The following ABCA2 variants were observed in gnomAD, a reference collection of about 807,000 sequenced individuals.
The protein encoded by ABCA2 is ATP-binding cassette sub-family A member 2.
In ABCA2, 84 loss-of-function variants were observed where a neutral mutation model predicts 262.8. That is an observed-to-expected ratio of 0.32 (90% CI 0.27 to 0.38). The LOEUF is 0.38. Ranked by LOEUF, ABCA2 falls within the 10% of genes least tolerant of loss-of-function variation. The pLI, the probability that ABCA2 is intolerant of heterozygous loss-of-function variation, is 1.00. For synonymous variants in ABCA2, 1,696 were observed against 1,502.9 expected (o/e 1.13, Z -2.97); for missense variants, 2,662 against 3,405.9 (o/e 0.78, Z 5.44).
At chr9:137,010,780 C>A (rs772309931) in intron 39 of ABCA2, 43 bp from the exon 40 acceptor site, 4 of 1,574,506 alleles carry the variant, frequency 2.5e-6, no homozygotes, top group Non-Finnish European at 2.6e-6. Context: ...TCGCCACCCC[C>A]ACTGCCCCTC....
At position 137,010,966 on chromosome 9, in the gene ABCA2, C is replaced by CA; in HGVS notation, c.6056+6dup. The CA allele has an allele frequency of 2.0e-6, 3 of 1,522,914 alleles. No individual in the cohort carries two copies. The highest frequency in any genetic ancestry group is 2.7e-6 in the Non-Finnish European group (3 of 1,125,384). 94.3% of individuals were successfully genotyped at this position (1,522,914 alleles called of 1,614,324 possible). ...CCCGCCCCCGCCCCACCCCGCCCCCCACTCACTGTGGCCGCCGCAGGAAGT... is the reference window on the plus strand; with the variant it reads ...CCCGCCCCCGCCCCACCCCGCCCCCCAACTCACTGTGGCCGCCGCAGGAAGT... On this transcript the variant is annotated splice_region_variant and intron_variant, in intron 39 of 48. Transcript: ENST00000341511.
Position 137,015,398 on chromosome 9 carries a change from C to T in ABCA2, c.3697+16G>A, listed in dbSNP as rs1368109759. 6.5e-6 allele frequency: 10 copies of T among 1,543,786 alleles called. No individual in the cohort carries two copies. The South Asian group carries it at 1.2e-4, about 18-fold the overall frequency. The stretch of plus-strand genomic sequence containing the variant: ...GAAGGTGGCCCGAAGCCAGCTCAGG[C>T]AGCTTCAACACAGACCTTGGGGGCC... On this transcript the variant is annotated intron_variant, in intron 24 of 48. Transcript: ENST00000341511.
Position 137,011,328 on chromosome 9 carries a change from CAGGGGCACAGGGGTGGCCGGGGTG to C in ABCA2, c.5800-43_5800-20del, listed in dbSNP as rs759021358. 578 of 1,606,062 alleles carry C rather than the reference CAGGGGCACAGGGGTGGCCGGGGTG, an allele frequency of 3.6e-4. 3 individuals are homozygous for C. The highest frequency in any genetic ancestry group is 8.3e-4 in the Middle Eastern group (5 of 6,008). On this transcript the variant is annotated intron_variant, in intron 37 of 48. Transcript: ENST00000341511. The surrounding 1 kb of genome is among the most constrained non-coding windows in gnomAD (Gnocchi z 8.8). ...TCAGGTCCTGCGGGGTGGCCGGGGT[CAGGGGCACAGGGGTGGCCGGGGTG>C]AGGGGCACAGCCTCCGCAGGGTCCG... is the stretch of plus-strand genomic sequence containing the variant.
At position 137,019,415 on chromosome 9, in the gene ABCA2, C is replaced by T. The variant is rs1173679347; in HGVS notation, c.1426-109G>A. ...GGCTGGTCCATTGCCAACAACTAACCCTCCCCACCTTTTTTTTTTTTTTTT... is the reference window on the plus strand; with the variant it reads ...GGCTGGTCCATTGCCAACAACTAACTCTCCCCACCTTTTTTTTTTTTTTTT... On this transcript the variant is annotated intron_variant, in intron 10 of 48. Coordinates refer to ENST00000341511, the MANE Select transcript of ABCA2 (RefSeq NM_001606.5). This position sits in a 1 kb window ranked among gnomAD's most constrained non-coding sequence, Gnocchi z 4.4. 9.9e-6 allele frequency: 13 copies of T among 1,311,036 alleles called. No homozygotes were observed. Among genetic ancestry groups the T allele is most frequent in the Admixed American group, 2.7e-5 (1 of 37,176 alleles). The allele number at this position is 1,311,036 out of a possible 1,614,324, so 81.2% of individuals were successfully genotyped here.
In ABCA2 at chr9:137,022,989, G is replaced by T; in HGVS notation, c.227C>A (p.Pro76Gln). The change falls in exon 4 of 49, where the codon CCG (proline) becomes CAG (glutamine). Residue 76 changes from proline to glutamine, a missense_variant. Physicochemically the swap from Pro to Gln is moderately conservative, Grantham distance 76. Coordinates refer to ENST00000341511, the MANE Select transcript of ABCA2 (RefSeq NM_001606.5). ...GILPVMQSLC[P>Q]DGQRDEFGFL... ...GCCGAACTCGTCTCGCTGGCCGTCC[G>T]GGCACAGCGATTGCATGACAGGCAG... is the stretch of plus-strand genomic sequence containing the variant. 1 of 1,594,464 alleles carries T rather than the reference G, an allele frequency of 6.3e-7. No homozygotes were observed.
At position 137,020,726 on chromosome 9, in the gene ABCA2, G is replaced by C. The variant is rs373851416; in HGVS notation, c.1233C>G (p.Ala411=). The change falls in exon 9 of 49, where the codon GCC becomes GCG. Residue 411 remains alanine, a synonymous_variant. Transcript: ENST00000341511. ...TGCCACACAAGATGGGCTGCAGGCC[G>C]GCCCAGAGCTGTACGAAGGCTGAGC... ...GQCSAFVQLW[A]GLQPILCGNN... is the part of the protein sequence containing the mutation. 3 of 1,601,428 alleles carry C rather than the reference G, an allele frequency of 1.9e-6. No individual in the cohort carries two copies. The highest frequency in any genetic ancestry group is 1.3e-5 in the African/African-American group (1 of 75,032).
At position 137,018,829 on chromosome 9, in the gene ABCA2, C is replaced by T; in HGVS notation, c.1723-14G>A. 1 of 1,612,520 alleles carries T rather than the reference C, an allele frequency of 6.2e-7. No homozygotes were observed. Among genetic ancestry groups the T allele is most frequent in the Non-Finnish European group, 8.5e-7 (1 of 1,179,750 alleles). On this transcript the variant is annotated splice_polypyrimidine_tract_variant and intron_variant, in intron 12 of 48. Coordinates refer to ENST00000341511, the MANE Select transcript of ABCA2 (RefSeq NM_001606.5). ...GTCCACGCTCACCTAGCGGGAGGGG[C>T]ATCGCTGGAGCCCGCCGTGGGCATG...
intron 22 of ABCA2, 28 bp downstream of exon 22, chr9:137,015,928 CCCACCT>C: frequency 9.1e-7 from 1 of 1,094,842 alleles, no homozygotes; most frequent in Non-Finnish European, 1.4e-6. Flanking sequence ...AGGGCCTCCG[CCCACCT>C]GCCCCGCCCC....
rs968041761 is a variant in ABCA2 at position 137,007,550 on chromosome 9, C to T, written c.*379G>A. The T allele has an allele frequency of 2.5e-5, 8 of 321,890 alleles. No individual in the cohort carries two copies. Among genetic ancestry groups the T allele is most frequent in the Non-Finnish European group, 4.7e-5 (8 of 169,444 alleles). 19.9% of individuals were successfully genotyped at this position (321,890 alleles called of 1,614,324 possible). A position where few individuals can be genotyped will look rare whatever the true frequency, so the allele number is the denominator to read the frequency against. On this transcript the variant is annotated 3_prime_UTR_variant, in exon 49 of 49. Transcript: ENST00000341511. The stretch of plus-strand genomic sequence containing the variant: ...ACAGCCCGCTCTCGGCATCAGCCTT[C>T]ATCGTAAGAGAGAAAAGCTGGTTCC...
chr9:137,014,450 C>G, intron 26 of ABCA2, 46 bp from the exon 27 acceptor site: 1 of 1,534,568 alleles, frequency 6.5e-7, no homozygotes, highest in Non-Finnish European at 8.8e-7. Context: ...CTACTGGCCC[C>G]TAGGCCTGCC....
chr9:137,023,907 C>T (rs927549944), intron 2 of ABCA2, 67 bp from the exon 3 acceptor site: 2 of 1,085,606 alleles, frequency 1.8e-6, no homozygotes, highest in Admixed American at 3.9e-5. Flanking sequence ...ACAGAGGAGA[C>T]CAGTGAGTGC....
rs560175918 is a variant in ABCA2 at position 137,016,822 on chromosome 9, C to G, written c.2759-84G>C. 2.6e-4 allele frequency: 400 copies of G among 1,549,588 alleles called. 1 individual carries two copies. The highest frequency in any genetic ancestry group is 3.0e-4 in the Admixed American group (17 of 56,386). On this transcript the variant is annotated intron_variant, in intron 19 of 48. Transcript: ENST00000341511. ...GTGGGCCACGTGCCCACCCAGGGAGCCACCCGTGCTGCATCCAGGAGTGGA... is the reference window on the plus strand; with the variant it reads ...GTGGGCCACGTGCCCACCCAGGGAGGCACCCGTGCTGCATCCAGGAGTGGA...
intron 6 of ABCA2, 117 bp downstream of exon 6, chr9:137,022,234 A>C: frequency 7.7e-7 from 1 of 1,301,654 alleles, no homozygotes; most frequent in Non-Finnish European, 1.0e-6. Flanking sequence ...TGGTGGGGGC[A>C]AGGTTCAGAC....
intron 45 of ABCA2, 153 bp from the exon 46 acceptor site, chr9:137,009,206 C>G: frequency 1.1e-6 from 1 of 941,320 alleles, no homozygotes; most frequent in East Asian, 2.8e-5. Context: ...GCCCTCCAGG[C>G]TCCTCCCCTG....
rs1831063257 is a variant in ABCA2 at position 137,011,946 on chromosome 9, A to C, written c.5433T>G (p.Val1811=). 2 of 1,612,614 alleles carry C rather than the reference A, an allele frequency of 1.2e-6. No homozygotes were observed. The highest frequency in any genetic ancestry group is 1.7e-6 in the Non-Finnish European group (2 of 1,179,970). ...TGGACTTCTCGGCCACGAGGAAGAC[A>C]ACGAAGCTGGCCGGCACGAAGGACA... ...VAMSFVPASF[V]VFLVAEKSTK... is the part of the protein sequence containing the mutation. The change falls in exon 35 of 49, where the codon GTT becomes GTG. Residue 1811 remains valine (V), a synonymous_variant. Coordinates refer to ENST00000341511, the MANE Select transcript of ABCA2 (RefSeq NM_001606.5). This position sits in a 1 kb window ranked among gnomAD's most constrained non-coding sequence, Gnocchi z 8.8.
intron 45 of ABCA2, 44 bp downstream of exon 45, chr9:137,009,326 C>A (rs911219771): frequency 1.9e-6 from 2 of 1,068,830 alleles, no homozygotes; most frequent in African/African-American, 3.1e-5. Flanking sequence ...TGGCCGCCCC[C>A]CCCGGGCCCG....
rs1387774082 is a variant in ABCA2, at chr9:137,019,457, C to G, written c.1426-151G>C. On this transcript the variant is annotated intron_variant, in intron 10 of 48. Coordinates refer to ENST00000341511, the MANE Select transcript of ABCA2 (RefSeq NM_001606.5). The surrounding 1 kb of genome is among the most constrained non-coding windows in gnomAD (Gnocchi z 4.4). ...TTTTTTTTTTCCTGAGACAGGGTCTCAGTCACCCACGCTGGAGTGCAGTGG... is the reference window on the plus strand; with the variant it reads ...TTTTTTTTTTCCTGAGACAGGGTCTGAGTCACCCACGCTGGAGTGCAGTGG... 2 of 895,490 alleles carry G rather than the reference C, an allele frequency of 2.2e-6. No individual in the cohort carries two copies. The highest frequency in any genetic ancestry group is 3.3e-6 in the Non-Finnish European group (2 of 610,414). The allele number at this position is 895,490 out of a possible 1,614,324, so 55.5% of individuals were successfully genotyped here. A position where few individuals can be genotyped will look rare whatever the true frequency, so the allele number is the denominator to read the frequency against.
chr9:137,021,430 G>A lies in ABCA2; in HGVS notation c.859C>T (p.Leu287Phe). ...ARRFSGLSAE[L>F]RNQLDVAKVS... ...TTGGCCACGTCCAGCTGGTTCCGGA[G>A]CTCAGCAGACAGCCCAGAGAAGCGC... is the stretch of plus-strand genomic sequence containing the variant. The change falls in exon 8 of 49, where the codon CTC (leucine) becomes TTC (phenylalanine). Residue 287 changes from leucine (L) to phenylalanine (F), a missense_variant. Physicochemically the swap from Leu to Phe is conservative, Grantham distance 22 (BLOSUM62 0). Around this residue, in one of 12 missense-constraint regions of ABCA2, gnomAD observed 403 missense variants for 375.9 expected, o/e 1.07. Transcript: ENST00000341511. The surrounding 1 kb of genome is among the most constrained non-coding windows in gnomAD (Gnocchi z 6.0). 1.9e-6 allele frequency: 3 copies of A among 1,611,000 alleles called. No homozygotes were observed. Among genetic ancestry groups the A allele is most frequent in the Non-Finnish European group, 2.5e-6 (3 of 1,179,840 alleles).
In ABCA2 at chr9:137,013,384, C is replaced by T. The variant is rs1831138790; in HGVS notation, c.4551-66G>A. The T allele has an allele frequency of 3.9e-6, 6 of 1,524,420 alleles. No homozygotes were observed. The South Asian group carries it at 6.0e-5, about 15-fold the overall frequency. The allele number at this position is 1,524,420 out of a possible 1,614,324, so 94.4% of individuals were successfully genotyped here. ...GCCCCTCGCCAGCCCCGCCCCCTCG[C>T]CCGCCTGGCCCACCAAGGCTGTCCC... On this transcript the variant is annotated intron_variant, in intron 29 of 48. Transcript: ENST00000341511.
Sources: allele counts gnomAD v4.1 joint callset, GRCh38; gene constraint gnomAD v4.1.1; regional missense constraint gnomAD v4.1.1; non-coding constraint Gnocchi (gnomAD v3.1); transcripts MANE v1.5; gene names NCBI Gene and HGNC (gene_info 2026-07-23, HGNC 2026-07-21).